KCNIP1: variants seen among roughly 807,000 people sequenced by gnomAD.
KCNIP1 encodes the protein potassium voltage-gated channel interacting protein 1.
Under a neutral mutation model 33.0 loss-of-function variants are expected in KCNIP1, and 18 were observed. The observed-to-expected ratio is 0.55, with a 90% CI of 0.38 to 0.81. The LOEUF is 0.81. Among genes scored for constraint, KCNIP1 ranks in the 30% least tolerant of loss-of-function variants. The pLI, the probability that KCNIP1 is intolerant of heterozygous loss-of-function variation, is 0.00. For missense variants in KCNIP1, 238 were observed against 271.6 expected, an observed-to-expected ratio of 0.88 and a Z score of 0.87; for synonymous variants, 93 against 98.3, an observed-to-expected ratio of 0.95 and a Z score of 0.32.
chr5:170,380,573 T>C (rs192024435), intron 1 of KCNIP1, among the ~76,000 whole-genome samples: 3,977 of 152,318 alleles, frequency 0.026, 115 homozygotes, highest in African/African-American at 0.066. Flanking sequence ...GAAATGCAGA[T>C]GCTGCACTCA....
chr5:170,488,739 G>T (rs1757146251), intron 1 of KCNIP1, among the ~76,000 whole-genome samples: 1 of 152,186 alleles, frequency 6.6e-6, no homozygotes, highest in Non-Finnish European at 1.5e-5. Flanking sequence ...GAAGCCAAGA[G>T]CAAGGACTGG....
intron 1 of KCNIP1, among the ~76,000 whole-genome samples, chr5:170,453,428 G>C (rs1756302102): frequency 6.6e-6 from 1 of 152,160 alleles, no homozygotes; most frequent in African/African-American, 2.4e-5. Flanking sequence ...GCACTTCCAG[G>C]CATCATTTAG....
intron 1 of KCNIP1, among the ~76,000 whole-genome samples, chr5:170,701,642 C>T (rs1763103522): frequency 6.6e-6 from 1 of 152,186 alleles, no homozygotes; most frequent in Admixed American, 6.5e-5. Flanking sequence ...GCACCTTACT[C>T]GCAGCCAAGC....
At chr5:170,501,083 A>C (rs920541046), upstream of KCNIP1, among the ~76,000 whole-genome samples, 1 of 152,224 alleles carries the variant, frequency 6.6e-6, no homozygotes, top group African/African-American at 2.4e-5. Context: ...AAAGCAGTTA[A>C]AACAGTCCAG....
intron 5 of KCNIP1, 52 bp from the exon 6 acceptor site, chr5:170,732,748 A>C: frequency 3.1e-5 from 37 of 1,202,618 alleles, no homozygotes; most frequent in Middle Eastern, 1.9e-4. Context: ...TCACCTAGGA[A>C]GAGCTTGACC....
intron 1 of KCNIP1, among the ~76,000 whole-genome samples, chr5:170,628,439 A>G (rs1468819357): frequency 6.6e-6 from 1 of 152,138 alleles, no homozygotes; most frequent in Non-Finnish European, 1.5e-5. Flanking sequence ...CATAACAATA[A>G]GTGTTAAAGT....
chr5:170,555,060 C>T (rs531959418), intron 1 of KCNIP1, among the ~76,000 whole-genome samples: 10 of 152,262 alleles, frequency 6.6e-5, no homozygotes, highest in Admixed American at 2.0e-4. Context: ...TGCTGGCAGG[C>T]GGAGCAGAAT....
chr5:170,710,905 G>T (rs1763421413), intron 1 of KCNIP1, among the ~76,000 whole-genome samples: 1 of 152,124 alleles, frequency 6.6e-6, no homozygotes, highest in African/African-American at 2.4e-5. Context: ...CCTCCCCTCA[G>T]CTCCCAGTTC....
At chr5:170,422,526 AGCTG>A (rs1755520067) in intron 1 of KCNIP1, 1 of 149,520 alleles carries the variant, frequency 6.7e-6, no homozygotes, top group South Asian at 2.1e-4. Context: ...AAAGGTGCTC[AGCTG>A]GCTAACCTAG....
chr5:170,556,072 C>T (rs1756834730), intron 1 of KCNIP1, among the ~76,000 whole-genome samples: 1 of 152,182 alleles, frequency 6.6e-6, no homozygotes, highest in Non-Finnish European at 1.5e-5. Context: ...TTAGTGAACA[C>T]AAAATATGTA....
intron 1 of KCNIP1, among the ~76,000 whole-genome samples, chr5:170,671,929 C>T (rs1761941247): frequency 6.6e-6 from 1 of 152,196 alleles, no homozygotes; most frequent in Non-Finnish European, 1.5e-5. Context: ...AAAAAAGAGA[C>T]ACAAATACAC....
intron 1 of KCNIP1, among the ~76,000 whole-genome samples, chr5:170,401,052 C>T (rs1407878299): frequency 6.6e-6 from 1 of 152,208 alleles, no homozygotes; most frequent in Non-Finnish European, 1.5e-5. Flanking sequence ...AGAGGGCTCC[C>T]CTACCATCCT....
In KCNIP1 at chr5:170,368,388, C is replaced by T. The variant is rs1763755181; in HGVS notation, c.88+14424C>T. On this transcript the variant is annotated intron_variant, in intron 1 of 7. Transcript: ENST00000377360. ...CAAGTGATTCTTGTGCCTCAGCCTC[C>T]CAAGAAGCTGGGACTACAGGTGCCG... Among the ~76,000 whole-genome samples the T allele has an allele frequency of 2.0e-5, 3 of 152,070 alleles. 1 individual carries two copies. The South Asian group carries it at 6.2e-4, about 32-fold the overall frequency.
intron 1 of KCNIP1, among the ~76,000 whole-genome samples, chr5:170,712,233 C>A (rs575923049): frequency 2.0e-5 from 3 of 152,298 alleles, no homozygotes; most frequent in Admixed American, 6.5e-5. Flanking sequence ...AATGGGCTAA[C>A]CCTCTTCTGC....
intron 1 of KCNIP1, among the ~76,000 whole-genome samples, chr5:170,445,020 C>T (rs1201256913): frequency 6.6e-6 from 1 of 152,212 alleles, no homozygotes; most frequent in Non-Finnish European, 1.5e-5. Context: ...CTCAGCTAGG[C>T]ATTATTAATC....
intron 1 of KCNIP1, among the ~76,000 whole-genome samples, chr5:170,641,239 C>A (rs1453999607): frequency 6.6e-6 from 1 of 152,202 alleles, no homozygotes; most frequent in Non-Finnish European, 1.5e-5. Flanking sequence ...TTCCCAGACC[C>A]CACCTCTGTG....
rs779748155 is a variant in KCNIP1, at chr5:170,583,408, C to G, written c.61+78775C>G. 6.6e-5 allele frequency among the ~76,000 whole-genome samples: 10 copies of G among 151,108 alleles called. 1 individual carries two copies. Among genetic ancestry groups the G allele is most frequent in the Admixed American group, 2.6e-4 (4 of 15,216 alleles). On this transcript the variant is annotated intron_variant, in intron 1 of 7. Coordinates refer to ENST00000328939, the MANE Select transcript of KCNIP1 (RefSeq NM_014592.4). ...AGATGCAGGAGTAAGATGTTGTGAT[C>G]GAGATCGTGGTGGTGATGATGATGA...
chr5:170,518,952 G>A (rs1476625595), intron 1 of KCNIP1, among the ~76,000 whole-genome samples: 1 of 152,140 alleles, frequency 6.6e-6, no homozygotes, highest in Non-Finnish European at 1.5e-5. Context: ...CCTCCCCAAT[G>A]GCAGGAGGGA....
chr5:170,720,408 A>G lies in KCNIP1; in HGVS notation c.256+18A>G. On this transcript the variant is annotated intron_variant, in intron 3 of 7. Coordinates refer to ENST00000328939, the MANE Select transcript of KCNIP1 (RefSeq NM_014592.4). ...TCATGGAGGTGAGTCTGACCTTGAA[A>G]TCTATCTTGCCCAGCTCCCTCTCTG... 1.3e-6 allele frequency: 2 copies of G among 1,594,280 alleles called. No individual in the cohort carries two copies. Among genetic ancestry groups the G allele is most frequent in the Non-Finnish European group, 8.6e-7 (1 of 1,161,878 alleles).
Sources: allele counts gnomAD v4.1 joint callset (sites outside exome capture counted in the v4.1 genomes callset), GRCh38; gene constraint gnomAD v4.1.1; transcripts MANE v1.5; gene names NCBI Gene and HGNC (gene_info 2026-07-23, HGNC 2026-07-21).